Variants in AGBL1 observed in about 807,000 individuals in gnomAD.
AGBL1 encodes the protein AGBL carboxypeptidase 1.
AGBL1 carries 130 observed loss-of-function variants against 118.9 expected under a neutral mutation model. That is an observed-to-expected ratio of 1.09 (90% CI 0.95 to 1.26). AGBL1 has a LOEUF of 1.26. AGBL1 is among the 50% of genes most tolerant of loss of function. The pLI, the probability that AGBL1 is intolerant of heterozygous loss-of-function variation, is 0.00. For missense variants in AGBL1, 1,584 were observed against 1,298.1 expected (o/e 1.22, Z -3.38); for synonymous variants, 555 against 478.9 (o/e 1.16, Z -2.08).
intron 22 of AGBL1, among the ~76,000 whole-genome samples, chr15:86,863,949 C>G (rs1406865729): frequency 6.6e-6 from 1 of 152,166 alleles, no homozygotes; most frequent in East Asian, 1.9e-4. Context: ...AGCCTAGCAC[C>G]TGGGGGATGG....
At chr15:86,565,131 C>G (rs140495422) in intron 21 of AGBL1, among the ~76,000 whole-genome samples, 3 of 152,206 alleles carry the variant, frequency 2.0e-5, no homozygotes, top group Non-Finnish European at 4.4e-5. Flanking sequence ...TCTCTCAAAT[C>G]GTCAAAGTCA....
intron 18 of AGBL1, among the ~76,000 whole-genome samples, chr15:86,506,438 A>C (rs970127930): frequency 7.2e-5 from 11 of 152,010 alleles, no homozygotes; most frequent in Admixed American, 2.6e-4. Flanking sequence ...TTTTTTCAAC[A>C]AATGCCCATG....
intron 9 of AGBL1, among the ~76,000 whole-genome samples, chr15:86,261,089 A>G (rs1807203832): frequency 6.6e-6 from 1 of 152,242 alleles, no homozygotes; most frequent in Non-Finnish European, 1.5e-5. Flanking sequence ...ATTGACAAAA[A>G]CAACCAGTGG....
At chr15:86,149,425 G>A (rs548565465) in intron 3 of AGBL1, among the ~76,000 whole-genome samples, 1 of 152,244 alleles carries the variant, frequency 6.6e-6, no homozygotes, top group Non-Finnish European at 1.5e-5. Context: ...ATAAAGGGAT[G>A]GAAGAAGATC....
At chr15:86,338,570 T>C (rs970642933) in intron 17 of AGBL1, among the ~76,000 whole-genome samples, 3 of 152,158 alleles carry the variant, frequency 2.0e-5, no homozygotes, top group Non-Finnish European at 2.9e-5. Flanking sequence ...CAGGAAAGCA[T>C]AGTGGTAACT....
intron 23 of AGBL1, among the ~76,000 whole-genome samples, chr15:86,936,240 A>G (rs1368626): frequency 0.53 from 71,649 of 134,104 alleles, 17,828 homozygotes; most frequent in Non-Finnish European, 0.61. Context: ...GTGTGTATGT[A>G]TGTGTGTGTG....
intron 3 of AGBL1, among the ~76,000 whole-genome samples, chr15:86,149,001 C>T (rs948460415): frequency 1.3e-5 from 2 of 152,168 alleles, no homozygotes; most frequent in Non-Finnish European, 2.9e-5. Context: ...GAATTTTCAA[C>T]CCAGAATTTC....
intron 19 of AGBL1, 38 bp from the exon 20 acceptor site, chr15:86,545,964 G>T: frequency 6.2e-7 from 1 of 1,601,916 alleles, no homozygotes; most frequent in South Asian, 1.1e-5. Flanking sequence ...CCAATGACCT[G>T]ACCTGGTTTT....
In AGBL1 at chr15:86,815,639, T is replaced by C. The variant is rs75008854; in HGVS notation, c.3159-91448T>C. Among the ~76,000 whole-genome samples, 18 of 152,202 alleles carry C rather than the reference T, an allele frequency of 1.2e-4. No homozygotes were observed. The East Asian group carries it at 3.5e-3, about 29-fold the overall frequency. On this transcript the variant is annotated intron_variant, in intron 22 of 22. Transcript: ENST00000614907. ...GAAAGACAAGCACCCAGGAGATAAG[T>C]AGTACGGTTCTGGGTTTGGTGGATT...
chr15:86,482,840 G>A (rs2082669686), intron 18 of AGBL1, among the ~76,000 whole-genome samples: 1 of 151,696 alleles, frequency 6.6e-6, no homozygotes, highest in Non-Finnish European at 1.5e-5. Flanking sequence ...AGCTTCATCA[G>A]CCAAGCAAAG....
intron 6 of AGBL1, 33 bp downstream of exon 6, chr15:86,224,984 C>T (rs553193404): frequency 6.2e-6 from 10 of 1,609,518 alleles, no homozygotes; most frequent in South Asian, 3.3e-5. Context: ...GGCTATTTCT[C>T]TCCACTCTGG....
chr15:86,257,123 C>T (rs2078909552), intron 8 of AGBL1, 105 bp downstream of exon 8: 3 of 1,227,590 alleles, frequency 2.4e-6, no homozygotes, highest in African/African-American at 3.1e-5. Flanking sequence ...ATAGGTCAAC[C>T]ATAATTGTCT....
chr15:86,778,724 A>G, intron 22 of AGBL1, among the ~76,000 whole-genome samples: 1 of 152,166 alleles, frequency 6.6e-6, no homozygotes, highest in Non-Finnish European at 1.5e-5. Flanking sequence ...CACATGCTCT[A>G]CAAACAATTT....
chr15:86,301,634 T>C (rs2079746175), intron 17 of AGBL1, among the ~76,000 whole-genome samples: 1 of 139,842 alleles, frequency 7.2e-6, no homozygotes, highest in Non-Finnish European at 1.5e-5. Flanking sequence ...GTACTCATAA[T>C]CTACAGGGTG....
intron 17 of AGBL1, among the ~76,000 whole-genome samples, chr15:86,356,491 G>C (rs1056349571): frequency 6.6e-6 from 1 of 152,020 alleles, no homozygotes; most frequent in Admixed American, 6.6e-5. Context: ...AATAATAAGG[G>C]TGGCCTTGTT....
Position 86,159,148 on chromosome 15 carries a change from T to C in AGBL1, c.488+122T>C, listed in dbSNP as rs560268176. On this transcript the variant is annotated intron_variant, in intron 5 of 22. Transcript: ENST00000614907. ...AGTGGTCATTTCTCCTTTGGAAATA[T>C]GGTACCATGTCTTTATCCTTTCTCA... 8 of 867,164 alleles carry C rather than the reference T, an allele frequency of 9.2e-6. No homozygotes were observed. In the East Asian group the frequency reaches 1.5e-4, roughly 17 times the overall value. The allele number at this position is 867,164 out of a possible 1,614,324, so 53.7% of individuals were successfully genotyped here.
chr15:86,614,875 A>G (rs2084700711), intron 21 of AGBL1, among the ~76,000 whole-genome samples: 1 of 152,222 alleles, frequency 6.6e-6, no homozygotes, highest in South Asian at 2.1e-4. Flanking sequence ...ATTAACAGTA[A>G]CTTTATGGCC....
chr15:86,645,367 C>T (rs2085260522), intron 21 of AGBL1, among the ~76,000 whole-genome samples: 1 of 152,162 alleles, frequency 6.6e-6, no homozygotes, highest in Non-Finnish European at 1.5e-5. Context: ...ATTGTTCTTT[C>T]AGCTTTTCTG....
At chr15:86,205,354 A>G (rs1004630761) in intron 5 of AGBL1, among the ~76,000 whole-genome samples, 3 of 152,218 alleles carry the variant, frequency 2.0e-5, no homozygotes, top group African/African-American at 7.2e-5. Flanking sequence ...TCATTTACCT[A>G]CTGAAGGAAA....
Sources: gnomAD v4.1 joint callset for allele counts (sites outside exome capture counted in the v4.1 genomes callset) on GRCh38, gnomAD v4.1.1 for gene constraint, MANE v1.5 for transcripts, NCBI Gene and HGNC (gene_info 2026-07-23, HGNC 2026-07-21) for gene names.